Variants in ROBO2 observed in about 807,000 individuals in gnomAD.
The protein encoded by ROBO2 is roundabout homolog 2.
In ROBO2, 53 loss-of-function variants were observed where a neutral mutation model predicts 160.8. The observed-to-expected ratio is 0.33, with a 90% CI of 0.26 to 0.41. ROBO2 has a LOEUF of 0.41. Among genes scored for constraint, ROBO2 ranks in the 10% least tolerant of loss-of-function variants. The probability of loss-of-function intolerance (pLI) is 1.00; values close to 1 mark genes in which losing one functional copy is unlikely to be tolerated. For missense variants in ROBO2, 1,577 were observed against 1,722.4 expected, an observed-to-expected ratio of 0.92 and a Z score of 1.49; for synonymous variants, 664 against 611.7, an observed-to-expected ratio of 1.09 and a Z score of -1.26.
At chr3:76,680,786 A>T (rs554288379) in intron 2 of ROBO2, among the ~76,000 whole-genome samples, 1 of 151,946 alleles carries the variant, frequency 6.6e-6, no homozygotes, top group Non-Finnish European at 1.5e-5. Context: ...TTTTTATTTT[A>T]TATTTTTGAG....
At chr3:76,632,161 T>C (rs890706543) in intron 2 of ROBO2, among the ~76,000 whole-genome samples, 4 of 152,226 alleles carry the variant, frequency 2.6e-5, no homozygotes, top group African/African-American at 9.6e-5. Context: ...CTGTGAGTTA[T>C]AAACATGAAT....
chr3:76,793,799 A>T (rs1007759678), intron 2 of ROBO2, among the ~76,000 whole-genome samples: 6 of 151,780 alleles, frequency 4.0e-5, no homozygotes, highest in Non-Finnish European at 8.8e-5. Context: ...CTCACCTCTT[A>T]TTCTCTCCAA....
At chr3:76,695,235 G>A (rs2107319555) in intron 2 of ROBO2, among the ~76,000 whole-genome samples, 1 of 152,308 alleles carries the variant, frequency 6.6e-6, no homozygotes, top group East Asian at 1.9e-4. Context: ...CTGGAATAAT[G>A]TTATTCATCC....
At chr3:77,126,465 T>A (rs2075321440) in intron 2 of ROBO2, among the ~76,000 whole-genome samples, 2 of 152,138 alleles carry the variant, frequency 1.3e-5, no homozygotes, top group African/African-American at 4.8e-5. Flanking sequence ...TTATCCCTTG[T>A]GGTTTGGCAT....
chr3:77,576,857 G>T (rs1215007234), intron 14 of ROBO2, among the ~76,000 whole-genome samples: 1 of 152,112 alleles, frequency 6.6e-6, no homozygotes, highest in Non-Finnish European at 1.5e-5. Context: ...GGAAGAAAAA[G>T]AAGTTTTTTC....
intron 2 of ROBO2, among the ~76,000 whole-genome samples, chr3:76,142,323 C>T (rs535577521): frequency 3.2e-4 from 49 of 152,050 alleles, no homozygotes; most frequent in African/African-American, 1.0e-3. Flanking sequence ...TGGGTACATA[C>T]CCAAAAGAAA....
rs150753640 is a variant in ROBO2 at position 75,928,928 on chromosome 3, A to G, written c.-13-8553A>G. 2.7e-4 allele frequency among the ~76,000 whole-genome samples: 36 copies of G among 135,482 alleles called. No individual in the cohort carries two copies. In the East Asian group the frequency reaches 8.0e-3, roughly 30 times the overall value. 88.9% of individuals were successfully genotyped at this position (135,482 alleles called of 152,430 possible). On this transcript the variant is annotated intron_variant, in intron 1 of 26. Coordinates refer to the ROBO2 transcript ENST00000487694. ...ATAGCTGATGATTATAGAATGATCTATGTACTTTCAATGTACCTTCAAACA... is the reference window on the plus strand; with the variant it reads ...ATAGCTGATGATTATAGAATGATCTGTGTACTTTCAATGTACCTTCAAACA...
chr3:76,735,230 T>A (rs1305421732), intron 2 of ROBO2, among the ~76,000 whole-genome samples: 1 of 152,224 alleles, frequency 6.6e-6, no homozygotes, highest in South Asian at 2.1e-4. Flanking sequence ...ATATGGTACA[T>A]GTGCCCCATG....
intron 2 of ROBO2, among the ~76,000 whole-genome samples, chr3:76,213,431 T>C (rs938460704): frequency 1.3e-5 from 2 of 152,192 alleles, no homozygotes; most frequent in African/African-American, 4.8e-5. Flanking sequence ...TACTAGACTA[T>C]ACTCTTAGTG....
intron 2 of ROBO2, among the ~76,000 whole-genome samples, chr3:76,321,053 T>C (rs1230702725): frequency 6.6e-6 from 1 of 152,126 alleles, no homozygotes; most frequent in East Asian, 1.9e-4. Context: ...AAGAGAAACA[T>C]AATACAAGTC....
intron 23 of ROBO2, chr3:77,633,964 C>T (rs1031704133): frequency 6.6e-6 from 1 of 152,048 alleles, no homozygotes; most frequent in African/African-American, 2.4e-5. Context: ...CATATCACGT[C>T]GTCGTAAGAA....
chr3:77,001,503 G>A lies in ROBO2; in HGVS notation c.110-96511G>A, dbSNP rs58725651. 5.4e-3 allele frequency among the ~76,000 whole-genome samples: 823 copies of A among 152,202 alleles called. 6 individuals are homozygous for A. Among genetic ancestry groups the A allele is most frequent in the African/African-American group, 0.019 (782 of 41,556 alleles). ...AGAACAGCAGATCTTTTCACATATG[G>A]TCAGTGATGGACAACTCTGCCAACA... is the stretch of plus-strand genomic sequence containing the variant. On this transcript the variant is annotated intron_variant, in intron 2 of 26. Coordinates refer to the ROBO2 transcript ENST00000487694.
intron 2 of ROBO2, among the ~76,000 whole-genome samples, chr3:76,107,516 T>G (rs1413238028): frequency 6.6e-6 from 1 of 152,174 alleles, no homozygotes; most frequent in Non-Finnish European, 1.5e-5. Context: ...AAAACTCCTT[T>G]TTTTAACTTC....
At chr3:76,566,097 A>T (rs1290852398) in intron 2 of ROBO2, among the ~76,000 whole-genome samples, 2 of 152,174 alleles carry the variant, frequency 1.3e-5, no homozygotes, top group African/African-American at 4.8e-5. Context: ...CTTATCTTAT[A>T]TGTGTAGACT....
intron 2 of ROBO2, among the ~76,000 whole-genome samples, chr3:77,004,809 A>C (rs899549331): frequency 5.3e-5 from 8 of 152,302 alleles, no homozygotes; most frequent in Middle Eastern, 3.4e-3. Flanking sequence ...GTTAGACTCC[A>C]TCCGCCTTAG....
At chr3:77,627,951 TG>T (rs2095066266) in intron 23 of ROBO2, among the ~76,000 whole-genome samples, 1 of 152,208 alleles carries the variant, frequency 6.6e-6, no homozygotes, top group Admixed American at 6.5e-5. Flanking sequence ...AATTGATGAC[TG>T]ATCATAAATT....
At chr3:76,672,286 C>G (rs1295784179) in intron 2 of ROBO2, among the ~76,000 whole-genome samples, 1 of 151,998 alleles carries the variant, frequency 6.6e-6, no homozygotes, top group African/African-American at 2.4e-5. Flanking sequence ...AAGAAAGAGT[C>G]CCCAGAACTA....
chr3:76,475,526 T>G (rs561697555), intron 2 of ROBO2, among the ~76,000 whole-genome samples: 1 of 152,054 alleles, frequency 6.6e-6, no homozygotes, highest in East Asian at 1.9e-4. Flanking sequence ...GTTTGGAACC[T>G]TTTGTATTAA....
At chr3:76,507,160 G>T (rs955173013) in intron 2 of ROBO2, among the ~76,000 whole-genome samples, 1 of 151,882 alleles carries the variant, frequency 6.6e-6, no homozygotes, top group African/African-American at 2.4e-5. Context: ...TTCGTACAGG[G>T]CATAAATTAA....
Sources: gnomAD v4.1 joint callset for allele counts (sites outside exome capture counted in the v4.1 genomes callset) on GRCh38, gnomAD v4.1.1 for gene constraint, MANE v1.5 for transcripts, NCBI Gene and HGNC (gene_info 2026-07-23, HGNC 2026-07-21) for gene names.